Variants in PPP1R9B observed in about 807,000 individuals in gnomAD.
PPP1R9B encodes the protein protein phosphatase 1 regulatory subunit 9B, also known as neurabin-2.
Under a neutral mutation model 75.8 loss-of-function variants are expected in PPP1R9B, and 17 were observed. The observed-to-expected ratio is 0.22, with a 90% CI of 0.15 to 0.34. The LOEUF (loss-of-function observed/expected upper bound fraction) is 0.34. Ranked by LOEUF, PPP1R9B falls within the 10% of genes least tolerant of loss-of-function variation. The probability of loss-of-function intolerance (pLI) is 1.00; values close to 1 mark genes in which losing one functional copy is unlikely to be tolerated. For missense variants in PPP1R9B, 875 were observed against 1,196.0 expected (o/e 0.73, Z 3.96); for synonymous variants, 509 against 535.4 (o/e 0.95, Z 0.68).
Position 50,150,058 on chromosome 17 carries a change from T to C in PPP1R9B, c.456A>G (p.Glu152=). ...SRLQETRKLF[E]RSAPAAAGGD... is the part of the protein sequence containing the mutation. ...CGCCTGCGGCCGCTGGGGCGCTCCG[T>C]TCGAACAGCTTCCGCGTCTCCTGCA... Residue 152 remains glutamate, a synonymous_variant, in exon 1 of 10, where the codon GAA becomes GAG. Coordinates refer to ENST00000612501, the MANE Select transcript of PPP1R9B (RefSeq NM_032595.5). The surrounding 1 kb of genome is among the most constrained non-coding windows in gnomAD (Gnocchi z 8.7). 6.9e-7 allele frequency: 1 copy of C among 1,458,290 alleles called. No homozygotes were observed. Among genetic ancestry groups the C allele is most frequent in the Non-Finnish European group, 9.0e-7 (1 of 1,113,944 alleles). 90.3% of individuals were successfully genotyped at this position (1,458,290 alleles called of 1,614,324 possible). A position where few individuals can be genotyped will look rare whatever the true frequency, so the allele number is the denominator to read the frequency against.
At chr17:50,147,404 GCC>G (rs1189631318) in intron 1 of PPP1R9B, among the ~76,000 whole-genome samples, 1 of 152,178 alleles carries the variant, frequency 6.6e-6, no homozygotes, top group Non-Finnish European at 1.5e-5. Flanking sequence ...AAAAAGTGGG[GCC>G]CCTGTGCCAG....
In PPP1R9B at chr17:50,149,514, T is replaced by C. The variant is rs1912622241; in HGVS notation, c.1000A>G (p.Thr334Ala). The C allele has an allele frequency of 1.3e-6, 2 of 1,594,762 alleles. No homozygotes were observed. Among genetic ancestry groups the C allele is most frequent in the Non-Finnish European group, 1.7e-6 (2 of 1,172,312 alleles). The change falls in exon 1 of 10, where the codon ACC (threonine) becomes GCC (alanine). Residue 334 changes from threonine to alanine, a missense_variant. Physicochemically the swap from Thr to Ala is moderately conservative, Grantham distance 58 (BLOSUM62 0). This residue lies in a region of PPP1R9B where 449 missense variants were observed against 475.0 expected (regional missense o/e 0.95). Coordinates refer to ENST00000612501, the MANE Select transcript of PPP1R9B (RefSeq NM_032595.5). This position sits in a 1 kb window ranked among gnomAD's most constrained non-coding sequence, Gnocchi z 7.2. ...TVHAALENGS[T>A]VATAASPAPE... ...GCGGGGCTGGCTGCAGTTGCCACGG[T>C]GCTGCCATTCTCCAGGGCCGCGTGG...
intron 4 of PPP1R9B, 114 bp from the exon 5 acceptor site, chr17:50,140,342 G>C (rs915423617): frequency 1.5e-6 from 2 of 1,331,982 alleles, no homozygotes; most frequent in Non-Finnish European, 2.0e-6. Context: ...GGAGAGATGA[G>C]AGGGCTGAGT....
Position 50,150,289 on chromosome 17 carries a change from G to T in PPP1R9B, c.225C>A (p.Gly75=). Residue 75 remains glycine (G), a synonymous_variant, in exon 1 of 10, where the codon GGC becomes GGA. Coordinates refer to ENST00000612501, the MANE Select transcript of PPP1R9B (RefSeq NM_032595.5). The surrounding 1 kb of genome is among the most constrained non-coding windows in gnomAD (Gnocchi z 8.7). ...GTTAGPSGEA[G]GGAGLAEAPR... is the part of the protein sequence containing the mutation. ...GGGCCTCGGCCAGGCCCGCGCCGCC[G>T]CCCGCCTCGCCCGAGGGCCCCGCCG... 7.1e-7 allele frequency: 1 copy of T among 1,413,986 alleles called. No individual in the cohort carries two copies. 87.6% of individuals were successfully genotyped at this position (1,413,986 alleles called of 1,614,324 possible).
rs1457013909 is a variant in PPP1R9B, at chr17:50,139,226, T to C, written c.2073+37A>G. 1.9e-6 allele frequency: 3 copies of C among 1,613,196 alleles called. No homozygotes were observed. The highest frequency in any genetic ancestry group is 1.3e-5 in the African/African-American group (1 of 75,064). The stretch of plus-strand genomic sequence containing the variant: ...GGGACCCTGCTCCTCAACACACACA[T>C]GCACGCACGCAAAAGCACACACATA... On this transcript the variant is annotated intron_variant, in intron 7 of 9. Coordinates refer to ENST00000612501, the MANE Select transcript of PPP1R9B (RefSeq NM_032595.5). The surrounding 1 kb of genome is among the most constrained non-coding windows in gnomAD (Gnocchi z 5.0).
At chr17:50,144,709 T>C (rs898248241) in intron 2 of PPP1R9B, among the ~76,000 whole-genome samples, 1 of 152,122 alleles carries the variant, frequency 6.6e-6, no homozygotes, top group African/African-American at 2.4e-5. Flanking sequence ...GGCCCCTCCT[T>C]ACCTTCCCCA....
Position 50,141,388 on chromosome 17 carries a change from T to C in PPP1R9B, c.1626-15A>G, listed in dbSNP as rs951695592. On this transcript the variant is annotated splice_polypyrimidine_tract_variant and intron_variant, in intron 3 of 9. Transcript: ENST00000612501. ...TCACCTGGATCCTAGCGGAGTGACA[T>C]TGGTTAAGGGGTCACAGGGGAACCG... 9.0e-6 allele frequency: 14 copies of C among 1,547,722 alleles called. No homozygotes were observed. The South Asian group carries it at 9.5e-5, about 10-fold the overall frequency.
In PPP1R9B at chr17:50,139,723, G is replaced by T; in HGVS notation, c.1867-142C>A. The T allele has an allele frequency of 1.0e-6, 1 of 980,152 alleles. No homozygotes were observed. Among genetic ancestry groups the T allele is most frequent in the Non-Finnish European group, 1.5e-6 (1 of 673,108 alleles). 60.7% of individuals were successfully genotyped at this position (980,152 alleles called of 1,614,324 possible). A position where few individuals can be genotyped will look rare whatever the true frequency, so the allele number is the denominator to read the frequency against. ...ATGCCTCCCACTTCAGCCTGAGGCT[G>T]GACCAGAGACACGGTTTATGTCTTC... On this transcript the variant is annotated intron_variant, in intron 5 of 9. Transcript: ENST00000612501. This position sits in a 1 kb window ranked among gnomAD's most constrained non-coding sequence, Gnocchi z 5.0.
chr17:50,145,735 AGGGGGGAGC>A lies in PPP1R9B; in HGVS notation c.1372-499_1372-491del, dbSNP rs1173252783. Among the ~76,000 whole-genome samples, 5 of 131,476 alleles carry A rather than the reference AGGGGGGAGC, an allele frequency of 3.8e-5. No individual in the cohort carries two copies. In the South Asian group the frequency reaches 1.2e-3, roughly 33 times the overall value. The allele number at this position is 131,476 out of a possible 152,430, so 86.3% of individuals were successfully genotyped here. A position where few individuals can be genotyped will look rare whatever the true frequency, so the allele number is the denominator to read the frequency against. ...GCTGGAGAATGCCAGATGGGGAGAG[AGGGGGGAGC>A]GGGTGTGAGACAGAAGAGGAGGAGG... On this transcript the variant is annotated intron_variant, in intron 1 of 9. Coordinates refer to ENST00000612501, the MANE Select transcript of PPP1R9B (RefSeq NM_032595.5).
Position 50,135,224 on chromosome 17 carries a change from G to T in PPP1R9B, c.*107C>A. On this transcript the variant is annotated 3_prime_UTR_variant, in exon 10 of 10. Coordinates refer to ENST00000612501, the MANE Select transcript of PPP1R9B (RefSeq NM_032595.5). ...TGGGGTGGAGGGGTGGGGGGAGTCG[G>T]GGCACCTGTCCCCAGGCTGGAAGGG... The T allele has an allele frequency of 2.2e-6, 2 of 896,548 alleles. No homozygotes were observed. Among genetic ancestry groups the T allele is most frequent in the Non-Finnish European group, 1.8e-6 (1 of 563,230 alleles). 55.5% of individuals were successfully genotyped at this position (896,548 alleles called of 1,614,324 possible). A position where few individuals can be genotyped will look rare whatever the true frequency, so the allele number is the denominator to read the frequency against.
chr17:50,138,132 T>A (rs896330910), intron 7 of PPP1R9B, among the ~76,000 whole-genome samples: 1 of 151,770 alleles, frequency 6.6e-6, no homozygotes, highest in African/African-American at 2.4e-5. Flanking sequence ...GACATGCTTG[T>A]GTAAGCATCT....
chr17:50,134,997 G>A lies in PPP1R9B; in HGVS notation c.*334C>T. ...GCCCCGTTCCAGTCCAGAGACAAAA[G>A]CTGGAGTGTGTAAAGTCTGGCAGTT... On this transcript the variant is annotated 3_prime_UTR_variant, in exon 10 of 10. Coordinates refer to ENST00000612501, the MANE Select transcript of PPP1R9B (RefSeq NM_032595.5). 5.6e-6 allele frequency: 2 copies of A among 356,732 alleles called. No homozygotes were observed. Among genetic ancestry groups the A allele is most frequent in the Non-Finnish European group, 5.3e-6 (1 of 189,326 alleles). The allele number at this position is 356,732 out of a possible 1,614,324, so 22.1% of individuals were successfully genotyped here. A position where few individuals can be genotyped will look rare whatever the true frequency, so the allele number is the denominator to read the frequency against.
chr17:50,134,280 TGAG>T lies in PPP1R9B; in HGVS notation c.*1048_*1050del, dbSNP rs1457292793. On this transcript the variant is annotated 3_prime_UTR_variant, in exon 10 of 10. Coordinates refer to ENST00000612501, the MANE Select transcript of PPP1R9B (RefSeq NM_032595.5). Reference sequence around the variant, plus strand: ...AGGGCAGCCCTGGTCTCCAAAAAGATGAGTAGTAGTAAAATTTTGCCCTCCAGT... The same window carrying T: ...AGGGCAGCCCTGGTCTCCAAAAAGATTAGTAGTAAAATTTTGCCCTCCAGT... 2 of 152,360 alleles carry T rather than the reference TGAG, an allele frequency of 1.3e-5. No individual in the cohort carries two copies. The highest frequency in any genetic ancestry group is 4.8e-5 in the African/African-American group (2 of 41,342). 9.4% of individuals were successfully genotyped at this position (152,360 alleles called of 1,614,324 possible). A position where few individuals can be genotyped will look rare whatever the true frequency, so the allele number is the denominator to read the frequency against.
At chr17:50,138,190 GTGTGTGC>G in intron 7 of PPP1R9B, among the ~76,000 whole-genome samples, 1 of 134,458 alleles carries the variant, frequency 7.4e-6, no homozygotes, top group East Asian at 2.0e-4. Flanking sequence ...GTGTGTGTGT[GTGTGTGC>G]CACGTGTCTC....
At position 50,142,780 on chromosome 17, in the gene PPP1R9B, C is replaced by T. The variant is rs964953771; in HGVS notation, c.1625+818G>A. ...CAGCTCCAGGATGCCCTCCCTGAAC[C>T]TTCTGTCCCACAGAACTCACCCCTT... On this transcript the variant is annotated intron_variant, in intron 3 of 9. Coordinates refer to ENST00000612501, the MANE Select transcript of PPP1R9B (RefSeq NM_032595.5). The surrounding 1 kb of genome is among the most constrained non-coding windows in gnomAD (Gnocchi z 4.1). Among the ~76,000 whole-genome samples the T allele has an allele frequency of 6.6e-6, 1 of 152,176 alleles. No homozygotes were observed. Among genetic ancestry groups the T allele is most frequent in the Admixed American group, 6.5e-5 (1 of 15,286 alleles).
chr17:50,150,021 C>T lies in PPP1R9B; in HGVS notation c.493G>A (p.Ala165Thr), dbSNP rs2144462246. ...APAAAGGDKE[A>T]AARRLLRQER... ...TGCCTCAGCAGCCGCCGCGCCGCGG[C>T]CTCCTTGTCGCCGCCTGCGGCCGCT... Residue 165 changes from alanine to threonine, a missense_variant, in exon 1 of 10, where the codon GCC becomes ACC. By Grantham distance (58) the Ala-to-Thr change is moderately conservative (BLOSUM62 0). Around this residue, in one of 4 missense-constraint regions of PPP1R9B, gnomAD observed 449 missense variants for 475.0 expected, o/e 0.95. Coordinates refer to ENST00000612501, the MANE Select transcript of PPP1R9B (RefSeq NM_032595.5). The surrounding 1 kb of genome is among the most constrained non-coding windows in gnomAD (Gnocchi z 8.7). The T allele has an allele frequency of 2.0e-6, 3 of 1,480,822 alleles. No homozygotes were observed. The East Asian group carries it at 8.7e-5, about 43-fold the overall frequency. 91.7% of individuals were successfully genotyped at this position (1,480,822 alleles called of 1,614,324 possible). A position where few individuals can be genotyped will look rare whatever the true frequency, so the allele number is the denominator to read the frequency against.
intron 3 of PPP1R9B, among the ~76,000 whole-genome samples, chr17:50,141,877 C>T (rs1325524635): frequency 6.6e-6 from 1 of 152,158 alleles, no homozygotes; most frequent in African/African-American, 2.4e-5. Flanking sequence ...GCGGCAGGCA[C>T]ACTTCCTGTG....
rs1254708523 is a variant in PPP1R9B, at chr17:50,150,145, G to A, written c.369C>T (p.Arg123=). ...LGTSVSERVS[R]FDSKPAPSAQ... ...CGGAGGGCGCGGGCTTGGAGTCGAA[G>A]CGGCTCACGCGCTCCGACACGCTGG... The change falls in exon 1 of 10, where the codon CGC becomes CGT. Residue 123 remains arginine (R), a synonymous_variant. Coordinates refer to ENST00000612501, the MANE Select transcript of PPP1R9B (RefSeq NM_032595.5). This position sits in a 1 kb window ranked among gnomAD's most constrained non-coding sequence, Gnocchi z 8.7. 9.7e-6 allele frequency: 14 copies of A among 1,436,700 alleles called. No homozygotes were observed. The highest frequency in any genetic ancestry group is 1.5e-5 in the African/African-American group (1 of 67,138). The allele number at this position is 1,436,700 out of a possible 1,614,324, so 89.0% of individuals were successfully genotyped here. A position where few individuals can be genotyped will look rare whatever the true frequency, so the allele number is the denominator to read the frequency against.
rs77141149 is a variant in PPP1R9B at position 50,139,607 on chromosome 17, G to A, written c.1867-26C>T. On this transcript the variant is annotated intron_variant, in intron 5 of 9. Transcript: ENST00000612501. This position sits in a 1 kb window ranked among gnomAD's most constrained non-coding sequence, Gnocchi z 5.0. ...CTGCGAAGGGAGACCGGAGACTGTG[G>A]GCCCACCCCACCCAGCTGCCCTCAG... 1 of 1,523,334 alleles carries A rather than the reference G, an allele frequency of 6.6e-7. No homozygotes were observed. The highest frequency in any genetic ancestry group is 1.4e-5 in the African/African-American group (1 of 72,042). The allele number at this position is 1,523,334 out of a possible 1,614,324, so 94.4% of individuals were successfully genotyped here.
Sources: allele counts gnomAD v4.1 joint callset (sites outside exome capture counted in the v4.1 genomes callset), GRCh38; gene constraint gnomAD v4.1.1; regional missense constraint gnomAD v4.1.1; non-coding constraint Gnocchi (gnomAD v3.1); transcripts MANE v1.5; gene names NCBI Gene and HGNC (gene_info 2026-07-23, HGNC 2026-07-21).